Variants in DDR2 observed in about 807,000 individuals in gnomAD.
DDR2 encodes the protein discoidin domain-containing receptor 2.
DDR2 carries 27 observed loss-of-function variants against 94.9 expected under a neutral mutation model. The observed-to-expected ratio is 0.28, with a 90% confidence interval of 0.21 to 0.39. The LOEUF (loss-of-function observed/expected upper bound fraction) is 0.39. Ranked by LOEUF, DDR2 falls within the 10% of genes least tolerant of loss-of-function variation. The pLI, the probability that DDR2 is intolerant of heterozygous loss-of-function variation, is 1.00. For missense variants in DDR2, 783 were observed against 1,076.0 expected (o/e 0.73, Z 3.81); for synonymous variants, 382 against 377.2 (o/e 1.01, Z -0.15).
chr1:162,697,431 C>G (rs1660244242), intron 2 of DDR2, among the ~76,000 whole-genome samples: 2 of 152,194 alleles, frequency 1.3e-5, no homozygotes, highest in African/African-American at 4.8e-5. Flanking sequence ...CGGGTTAGAC[C>G]TACTTTGAGA....
chr1:162,722,000 TAAC>T (rs1362053778), intron 3 of DDR2, among the ~76,000 whole-genome samples: 6 of 152,184 alleles, frequency 3.9e-5, no homozygotes, highest in Non-Finnish European at 2.9e-5. Flanking sequence ...ATTTAGTTGA[TAAC>T]AAACATTAAA....
intron 2 of DDR2, among the ~76,000 whole-genome samples, chr1:162,701,947 C>T (rs1660451326): frequency 6.6e-6 from 1 of 151,974 alleles, no homozygotes; most frequent in African/African-American, 2.4e-5. Flanking sequence ...TCAGTAAATC[C>T]CCTTGTTTTC....
At position 162,782,761 on chromosome 1, in the gene DDR2, A is replaced by T. The variant is rs1344944753; in HGVS notation, c.*2515A>T. On this transcript the variant is annotated 3_prime_UTR_variant, in exon 18 of 18. Transcript: ENST00000367921. ...TTCCATATTTTTTTTAAAAAAAATC[A>T]TATTTAAAATGAACTTACAATGTCT... is the stretch of plus-strand genomic sequence containing the variant. The T allele has an allele frequency of 6.6e-6, 1 of 152,106 alleles. No individual in the cohort carries two copies. The highest frequency in any genetic ancestry group is 1.5e-5 in the Non-Finnish European group (1 of 68,030). The allele number at this position is 152,106 out of a possible 1,614,324, so 9.4% of individuals were successfully genotyped here.
At chr1:162,644,666 G>A (rs1199190872) in intron 1 of DDR2, among the ~76,000 whole-genome samples, 3 of 151,468 alleles carry the variant, frequency 2.0e-5, no homozygotes, top group Non-Finnish European at 4.4e-5. Context: ...TGACACACTT[G>A]GCTTATTGCA....
chr1:162,750,692 A>G (rs551371672), intron 3 of DDR2, among the ~76,000 whole-genome samples: 6 of 152,320 alleles, frequency 3.9e-5, no homozygotes, highest in Non-Finnish European at 7.3e-5. Context: ...TGCCAAGACA[A>G]TCCTAAGCCA....
intron 2 of DDR2, among the ~76,000 whole-genome samples, chr1:162,694,923 CTTTA>C (rs1167727827): frequency 6.6e-6 from 1 of 152,144 alleles, no homozygotes; most frequent in African/African-American, 2.4e-5. Context: ...TTTAATACCA[CTTTA>C]TTTGACTCAA....
At chr1:162,680,997 T>C (rs1659372443) in intron 2 of DDR2, among the ~76,000 whole-genome samples, 1 of 152,128 alleles carries the variant, frequency 6.6e-6, no homozygotes, top group Admixed American at 6.5e-5. Context: ...GACGTCTGCT[T>C]GTTTTTGTGA....
At chr1:162,672,844 G>A (rs1658937382) in intron 2 of DDR2, among the ~76,000 whole-genome samples, 1 of 152,106 alleles carries the variant, frequency 6.6e-6, no homozygotes, top group Admixed American at 6.6e-5. Context: ...TTACCAGTGG[G>A]CATGTTCTCG....
At position 162,772,555 on chromosome 1, in the gene DDR2, C is replaced by T. The variant is rs571546977; in HGVS notation, c.1728+308C>T. 58 of 380,250 alleles carry T rather than the reference C, an allele frequency of 1.5e-4. No individual in the cohort carries two copies. The East Asian group carries it at 3.3e-3, about 21-fold the overall frequency. The allele number at this position is 380,250 out of a possible 1,614,324, so 23.6% of individuals were successfully genotyped here. On this transcript the variant is annotated intron_variant, in intron 13 of 17. Coordinates refer to ENST00000367921, the MANE Select transcript of DDR2 (RefSeq NM_006182.4). The stretch of plus-strand genomic sequence containing the variant: ...ACAATAGATTATGGAGGGTGGGATC[C>T]AGAAGATGTGATCATCTTTTATGAA...
At chr1:162,744,720 T>C (rs1662768653) in intron 3 of DDR2, among the ~76,000 whole-genome samples, 1 of 151,652 alleles carries the variant, frequency 6.6e-6, no homozygotes, top group Non-Finnish European at 1.5e-5. Flanking sequence ...CCATTGTAGG[T>C]GTATCCCACA....
chr1:162,777,471 A>G lies in DDR2; in HGVS notation c.2283+1101A>G, dbSNP rs994084991. On this transcript the variant is annotated intron_variant, in intron 16 of 17. Coordinates refer to ENST00000367921, the MANE Select transcript of DDR2 (RefSeq NM_006182.4). ...TCCTGCTATTATGAATGATGCTGTG[A>G]TGTACACCAGTTTACATAAATCCTT... Among the ~76,000 whole-genome samples the G allele has an allele frequency of 3.2e-4, 4 of 12,442 alleles. No individual in the cohort carries two copies. In the Non-Finnish European group the frequency reaches 0.034, roughly 107 times the overall value. 8.2% of individuals were successfully genotyped at this position (12,442 alleles called of 152,430 possible).
At chr1:162,707,362 C>T (rs1257791079) in intron 2 of DDR2, among the ~76,000 whole-genome samples, 2 of 152,204 alleles carry the variant, frequency 1.3e-5, no homozygotes, top group Non-Finnish European at 2.9e-5. Flanking sequence ...GTTCTGAATT[C>T]AACTCTTGCT....
intron 1 of DDR2, among the ~76,000 whole-genome samples, chr1:162,640,233 G>T (rs1571130450): frequency 6.6e-6 from 1 of 151,924 alleles, no homozygotes; most frequent in South Asian, 2.1e-4. Flanking sequence ...GTACAGACAG[G>T]GTTTCACCAT....
rs370410250 is a variant in DDR2 at position 162,712,392 on chromosome 1, C to T, written c.-27-6645C>T. 8.0e-4 allele frequency among the ~76,000 whole-genome samples: 121 copies of T among 151,832 alleles called. 1 individual carries two copies. In the South Asian group the frequency reaches 0.025, roughly 32 times the overall value. On this transcript the variant is annotated intron_variant, in intron 2 of 17. Coordinates refer to ENST00000367921, the MANE Select transcript of DDR2 (RefSeq NM_006182.4). ...TCAGAAAAAGGCTTTTAGAAGCTCA[C>T]CCAAGTACAGAGATAATTTGTGAGA...
intron 3 of DDR2, among the ~76,000 whole-genome samples, chr1:162,739,427 C>T (rs1662479789): frequency 6.6e-6 from 1 of 152,158 alleles, no homozygotes; most frequent in Non-Finnish European, 1.5e-5. Context: ...CTGCTTCAGC[C>T]TCCTGAGTAA....
At chr1:162,723,934 C>T (rs563170102) in intron 3 of DDR2, among the ~76,000 whole-genome samples, 59 of 152,286 alleles carry the variant, frequency 3.9e-4, no homozygotes, top group African/African-American at 1.3e-3. Context: ...TAGGAGAGGA[C>T]GAGCTTTTCT....
intron 2 of DDR2, among the ~76,000 whole-genome samples, chr1:162,697,843 A>C (rs1391832265): frequency 6.6e-6 from 1 of 152,234 alleles, no homozygotes; most frequent in Non-Finnish European, 1.5e-5. Context: ...CACAGTTAGT[A>C]AAGGTCAGCT....
At chr1:162,729,294 A>ATTTTTTTTTTT (rs1455925320) in intron 3 of DDR2, among the ~76,000 whole-genome samples, 1 of 30,016 alleles carries the variant, frequency 3.3e-5, no homozygotes, top group African/African-American at 1.0e-4. Context: ...ATATATATAT[A>ATTTTTTTTTTT]TATATATTTT....
At position 162,787,319 on chromosome 1, in the gene DDR2, CATATT is replaced by C. The variant is rs373896161; in HGVS notation, c.*7076_*7080del. ...CTATCCATTCACTCATCAATAAAAA[CATATT>C]ATGATGGTTATCAAGCTGTGTCCTA... On this transcript the variant is annotated 3_prime_UTR_variant, in exon 18 of 18. Transcript: ENST00000367921. The C allele has an allele frequency of 2.8e-4, 43 of 150,992 alleles. No homozygotes were observed. The East Asian group carries it at 6.6e-3, about 23-fold the overall frequency. The allele number at this position is 150,992 out of a possible 1,614,324, so 9.4% of individuals were successfully genotyped here.
Sources: allele counts gnomAD v4.1 joint callset (sites outside exome capture counted in the v4.1 genomes callset), GRCh38; gene constraint gnomAD v4.1.1; transcripts MANE v1.5; gene names NCBI Gene and HGNC (gene_info 2026-07-23, HGNC 2026-07-21).